The following EPHA7 variants were observed in gnomAD, a reference collection of about 807,000 sequenced individuals.
EPHA7 encodes ephrin type-A receptor 7.
In EPHA7, 25 loss-of-function variants were observed where a neutral mutation model predicts 112.6. The observed-to-expected ratio is 0.22, with a 90% CI of 0.16 to 0.31. EPHA7 has a LOEUF of 0.31. Among genes scored for constraint, EPHA7 ranks in the 10% least tolerant of loss-of-function variants. EPHA7 has a pLI of 1.00. For missense variants in EPHA7, 962 were observed against 1,212.6 expected, an observed-to-expected ratio of 0.79 and a Z score of 3.07; for synonymous variants, 437 against 406.5, an observed-to-expected ratio of 1.07 and a Z score of -0.90.
chr6:93,246,953 T>C lies in EPHA7; in HGVS notation c.2565A>G (p.Leu855=), dbSNP rs1340038452. ...CAGCTGGGCAGTCCATGGGTGCTGGTAAACGATAACCTTCTTCTATTGCTT... is the reference window on the plus strand; with the variant it reads ...CAGCTGGGCAGTCCATGGGTGCTGGCAAACGATAACCTTCTTCTATTGCTT... ...VIKAIEEGYR[L]PAPMDCPAGL... is the part of the protein sequence containing the mutation. Residue 855 remains leucine (L), a synonymous_variant, in exon 15 of 17, where the codon TTA becomes TTG. Transcript: ENST00000369303. 5 of 1,606,532 alleles carry C rather than the reference T, an allele frequency of 3.1e-6. No homozygotes were observed. Among genetic ancestry groups the C allele is most frequent in the African/African-American group, 1.3e-5 (1 of 74,864 alleles).
At chr6:93,255,642 A>G (rs974461917) in intron 13 of EPHA7, among the ~76,000 whole-genome samples, 186 bp downstream of exon 13, 7 of 151,992 alleles carry the variant, frequency 4.6e-5, no homozygotes, top group Non-Finnish European at 7.4e-5. Context: ...TTCTTAGTCT[A>G]TATATATATT....
chr6:93,399,849 T>G (rs1216569145), intron 3 of EPHA7, among the ~76,000 whole-genome samples: 1 of 152,088 alleles, frequency 6.6e-6, no homozygotes, highest in Non-Finnish European at 1.5e-5. Flanking sequence ...GTTGGAAGTA[T>G]AAATGAGGAC....
At chr6:93,385,717 TGGATA>T (rs1490578318) in intron 3 of EPHA7, among the ~76,000 whole-genome samples, 1 of 152,150 alleles carries the variant, frequency 6.6e-6, no homozygotes, top group South Asian at 2.1e-4. Context: ...TGTGGATGGA[TGGATA>T]GATTAGATAG....
intron 14 of EPHA7, among the ~76,000 whole-genome samples, chr6:93,252,712 T>C (rs1193517239): frequency 6.6e-6 from 1 of 151,970 alleles, no homozygotes; most frequent in Non-Finnish European, 1.5e-5. Flanking sequence ...AATATGAATA[T>C]CAATTTCACT....
At chr6:93,403,371 AT>A (rs1778525428) in intron 3 of EPHA7, among the ~76,000 whole-genome samples, 1 of 151,648 alleles carries the variant, frequency 6.6e-6, no homozygotes, top group Non-Finnish European at 1.5e-5. Context: ...AAAAAAAAAA[AT>A]CACAAGGCTT....
At chr6:93,391,627 T>G (rs1268909441) in intron 3 of EPHA7, among the ~76,000 whole-genome samples, 2 of 151,910 alleles carry the variant, frequency 1.3e-5, no homozygotes, top group Non-Finnish European at 2.9e-5. Flanking sequence ...CTGAGAAAAT[T>G]ATCTATATAT....
chr6:93,328,625 C>T (rs924498634), intron 5 of EPHA7, among the ~76,000 whole-genome samples: 1 of 151,368 alleles, frequency 6.6e-6, no homozygotes, highest in Non-Finnish European at 1.5e-5. Context: ...ACTTTATTAT[C>T]TTGGATACCA....
chr6:93,331,568 T>C (rs1341246550), intron 5 of EPHA7, among the ~76,000 whole-genome samples: 1 of 151,490 alleles, frequency 6.6e-6, no homozygotes, highest in Non-Finnish European at 1.5e-5. Flanking sequence ...ATTTATTTCA[T>C]GTACACACAT....
intron 5 of EPHA7, among the ~76,000 whole-genome samples, chr6:93,351,235 AG>A (rs1226230105): frequency 6.6e-6 from 1 of 151,982 alleles, no homozygotes; most frequent in East Asian, 1.9e-4. Flanking sequence ...GGACAACCTG[AG>A]GGTTCATTAC....
chr6:93,419,278 C>T lies in EPHA7; in HGVS notation c.64G>A (p.Ala22Thr). The part of the protein sequence containing the change: ...ILCYIWLLRF[A>T]HTGEAQAAKE... The stretch of plus-strand genomic sequence containing the variant: ...GCAGCCTGCGCCTCCCCTGTGTGTG[C>T]AAAGCGGAGCAGCCAGATGTAGCAT... The change falls in exon 1 of 17, where the codon GCA (alanine) becomes ACA (threonine). Residue 22 changes from alanine to threonine, a missense_variant. Around this residue, in one of 3 missense-constraint regions of EPHA7, gnomAD observed 56 missense variants for 59.9 expected, o/e 0.94. Coordinates refer to ENST00000369303, the MANE Select transcript of EPHA7 (RefSeq NM_004440.4). The T allele has an allele frequency of 1.2e-6, 2 of 1,614,050 alleles. No homozygotes were observed. The highest frequency in any genetic ancestry group is 1.7e-6 in the Non-Finnish European group (2 of 1,179,964).
chr6:93,314,893 C>T (rs111670110), intron 5 of EPHA7, among the ~76,000 whole-genome samples: 7,218 of 121,692 alleles, frequency 0.059, 273 homozygotes, highest in African/African-American at 0.11. Context: ...GACGGAGTCT[C>T]GCTCTGTCGC....
In EPHA7 at chr6:93,241,231, G is replaced by T; in HGVS notation, c.*2195C>A. On this transcript the variant is annotated 3_prime_UTR_variant, in exon 17 of 17. Transcript: ENST00000369303. The stretch of plus-strand genomic sequence containing the variant: ...TTAATAGAAAAAATAAGCACCTTAA[G>T]CTATGAACAAGAAAAGAACTTCATT... 4.6e-6 allele frequency: 1 copy of T among 217,826 alleles called. No homozygotes were observed. The highest frequency in any genetic ancestry group is 2.2e-5 in the African/African-American group (1 of 44,616). The allele number at this position is 217,826 out of a possible 1,614,324, so 13.5% of individuals were successfully genotyped here.
At position 93,240,877 on chromosome 6, in the gene EPHA7, A is replaced by G. The variant is rs1769661634; in HGVS notation, c.*2549T>C. 4.8e-6 allele frequency: 1 copy of G among 207,586 alleles called. No individual in the cohort carries two copies. The allele number at this position is 207,586 out of a possible 1,614,324, so 12.9% of individuals were successfully genotyped here. On this transcript the variant is annotated 3_prime_UTR_variant, in exon 17 of 17. Coordinates refer to ENST00000369303, the MANE Select transcript of EPHA7 (RefSeq NM_004440.4). ...TTCTCTTAATATTTGTTTCACATAC[A>G]TGTATTTCGAAATCATAATGTTGAT...
At chr6:93,349,833 G>C (rs189314298) in intron 5 of EPHA7, among the ~76,000 whole-genome samples, 1 of 151,734 alleles carries the variant, frequency 6.6e-6, no homozygotes, top group Non-Finnish European at 1.5e-5. Context: ...GAAAAGAGAC[G>C]ATCTACGTTA....
intron 5 of EPHA7, among the ~76,000 whole-genome samples, chr6:93,345,233 A>T (rs1191254408): frequency 6.6e-6 from 1 of 151,680 alleles, no homozygotes; most frequent in East Asian, 1.9e-4. Context: ...TACAATTTCC[A>T]TTATGGATGC....
chr6:93,292,562 G>A (rs1235635574), intron 5 of EPHA7, among the ~76,000 whole-genome samples: 2 of 152,040 alleles, frequency 1.3e-5, no homozygotes, highest in African/African-American at 4.8e-5. Flanking sequence ...CAGATAAAAG[G>A]TTATGGAGTA....
intron 9 of EPHA7, among the ~76,000 whole-genome samples, chr6:93,260,207 C>T (rs1340051768): frequency 1.3e-5 from 2 of 151,844 alleles, no homozygotes; most frequent in Non-Finnish European, 2.9e-5. Context: ...TATGAACTTT[C>T]AATTATAAGG....
intron 3 of EPHA7, among the ~76,000 whole-genome samples, chr6:93,387,915 A>G (rs1231271598): frequency 1.2e-5 from 1 of 86,956 alleles, no homozygotes; most frequent in Non-Finnish European, 2.3e-5. Context: ...ACCATCTTAG[A>G]TAGATAGACA....
intron 5 of EPHA7, among the ~76,000 whole-genome samples, chr6:93,296,119 A>T (rs1250769352): frequency 6.6e-6 from 1 of 151,584 alleles, no homozygotes; most frequent in Non-Finnish European, 1.5e-5. Context: ...TTTCTATATA[A>T]AACCTTATAT....
Sources: allele counts gnomAD v4.1 joint callset (sites outside exome capture counted in the v4.1 genomes callset), GRCh38; gene constraint gnomAD v4.1.1; regional missense constraint gnomAD v4.1.1; transcripts MANE v1.5; gene names NCBI Gene and HGNC (gene_info 2026-07-23, HGNC 2026-07-21).